ACADSB: variants seen among roughly 807,000 people sequenced by gnomAD.
ACADSB encodes short/branched chain specific acyl-CoA dehydrogenase, mitochondrial.
In ACADSB, 40 loss-of-function variants were observed where a neutral mutation model predicts 54.1. That is an observed-to-expected ratio of 0.74 (90% confidence interval 0.57 to 0.96). The LOEUF (loss-of-function observed/expected upper bound fraction) is 0.96, where lower values mean the gene tolerates loss of function less well. Among genes scored for constraint, ACADSB ranks in the 40% least tolerant of loss-of-function variants. The pLI is 0.00. For missense variants in ACADSB, 530 were observed against 510.4 expected (o/e 1.04, Z -0.37); for synonymous variants, 182 against 182.8 (o/e 1.00, Z 0.03).
chr10:123,030,764 C>G (rs1288630886), intron 1 of ACADSB, among the ~76,000 whole-genome samples: 1 of 100,298 alleles, frequency 1.0e-5, no homozygotes. Flanking sequence ...TAACTCAATT[C>G]TTTTGGGTTT....
chr10:123,016,104 G>A (rs978904320), intron 1 of ACADSB, among the ~76,000 whole-genome samples: 11 of 152,190 alleles, frequency 7.2e-5, no homozygotes, highest in African/African-American at 1.9e-4. Flanking sequence ...TTTTAGACAC[G>A]TTTTAGGTAT....
At chr10:123,040,733 CA>C (rs1850462317) in intron 4 of ACADSB, 61 bp downstream of exon 4, 1 of 1,530,994 alleles carries the variant, frequency 6.5e-7, no homozygotes, top group African/African-American at 1.4e-5. Flanking sequence ...ACAATATTTT[CA>C]GGAAAAAAGT....
chr10:123,037,403 T>C (rs1850413448), intron 2 of ACADSB, among the ~76,000 whole-genome samples: 1 of 152,232 alleles, frequency 6.6e-6, no homozygotes, highest in Non-Finnish European at 1.5e-5. Flanking sequence ...ATAGATGATT[T>C]TCAAAGAAAA....
chr10:123,009,058 G>T lies in ACADSB; in HGVS notation c.29G>T (p.Arg10Leu). The change falls in exon 1 of 11, where the codon CGC becomes CTC. Residue 10 changes from arginine (R) to leucine (L), a missense_variant. Transcript: ENST00000358776. ...GAGGGCCTGGCAGTGCGGTTGCTGC[G>T]CGGCAGCAGGCTGGTGAGTGCGTTC... MEGLAVRLL[R>L]GSRLLRRNFL... The T allele has an allele frequency of 6.5e-7, 1 of 1,547,562 alleles. No individual in the cohort carries two copies. The highest frequency in any genetic ancestry group is 8.7e-7 in the Non-Finnish European group (1 of 1,146,774).
At chr10:123,025,676 A>T (rs771566991) in intron 1 of ACADSB, among the ~76,000 whole-genome samples, 22 of 152,212 alleles carry the variant, frequency 1.4e-4, no homozygotes, top group Non-Finnish European at 2.1e-4. Context: ...GGCAAAGAAC[A>T]TGAATAAGCT....
chr10:123,013,403 C>T (rs1007685044), intron 1 of ACADSB, among the ~76,000 whole-genome samples: 4 of 152,260 alleles, frequency 2.6e-5, no homozygotes, highest in African/African-American at 7.2e-5. Context: ...AAAGGTTCTC[C>T]AAGTCCCCAC....
chr10:123,047,327 T>C lies in ACADSB; in HGVS notation c.990+29T>C, dbSNP rs1331495715. 6.2e-6 allele frequency: 9 copies of C among 1,442,610 alleles called. No individual in the cohort carries two copies. In the South Asian group the frequency reaches 1.0e-4, roughly 16 times the overall value. 89.4% of individuals were successfully genotyped at this position (1,442,610 alleles called of 1,614,324 possible). On this transcript the variant is annotated intron_variant, in intron 8 of 10. Transcript: ENST00000358776. ...TGTAATTATTAGGGTCTTTCTGCTGTGTTAGACTTCCCCAGCTTCCTGTTA... is the reference window on the plus strand; with the variant it reads ...TGTAATTATTAGGGTCTTTCTGCTGCGTTAGACTTCCCCAGCTTCCTGTTA...
At chr10:123,047,072 C>A in intron 7 of ACADSB, 137 bp from the exon 8 acceptor site, 1 of 726,912 alleles carries the variant, frequency 1.4e-6, no homozygotes, top group Non-Finnish European at 2.4e-6. Flanking sequence ...GTTATTAACA[C>A]ACACCTCACC....
chr10:123,042,241 T>C (rs1358124590), intron 5 of ACADSB, among the ~76,000 whole-genome samples: 2 of 151,856 alleles, frequency 1.3e-5, no homozygotes, highest in African/African-American at 4.8e-5. Flanking sequence ...GCTGGGATTA[T>C]AGGCGTGAAC....
intron 8 of ACADSB, among the ~76,000 whole-genome samples, chr10:123,048,600 A>G (rs1171486635): frequency 6.6e-6 from 1 of 152,216 alleles, no homozygotes; most frequent in Non-Finnish European, 1.5e-5. Flanking sequence ...ATAGATAGAT[A>G]GATCAATAGA....
chr10:123,022,043 G>GA (rs141546719), intron 1 of ACADSB, among the ~76,000 whole-genome samples: 21,110 of 151,926 alleles, frequency 0.14, 1,575 homozygotes, highest in Middle Eastern at 0.21. Context: ...TTCAAGAAGA[G>GA]AAAAAAAATA....
At chr10:123,030,354 C>T (rs1850309044) in intron 1 of ACADSB, among the ~76,000 whole-genome samples, 2 of 151,896 alleles carry the variant, frequency 1.3e-5, no homozygotes, top group African/African-American at 4.8e-5. Context: ...AGTGAAACCC[C>T]ATCTCTACTA....
At chr10:123,027,053 A>G (rs781105350) in intron 1 of ACADSB, among the ~76,000 whole-genome samples, 9 of 152,204 alleles carry the variant, frequency 5.9e-5, no homozygotes, top group Non-Finnish European at 1.3e-4. Context: ...TTGAACTCTA[A>G]TAAGTTCAAG....
intron 1 of ACADSB, among the ~76,000 whole-genome samples, chr10:123,031,918 A>G (rs1213937570): frequency 6.6e-6 from 1 of 152,154 alleles, no homozygotes; most frequent in East Asian, 1.9e-4. Flanking sequence ...CGTGGGAAAA[A>G]TAGGTATTAA....
At chr10:123,011,856 A>ATT (rs112428179) in intron 1 of ACADSB, among the ~76,000 whole-genome samples, 1 of 138,318 alleles carries the variant, frequency 7.2e-6, no homozygotes, top group Admixed American at 7.2e-5. Flanking sequence ...TTAAGAGATG[A>ATT]TTTTTTTTTT....
chr10:123,040,362 TA>T, intron 3 of ACADSB, 103 bp from the exon 4 acceptor site: 1 of 1,020,580 alleles, frequency 9.8e-7, no homozygotes, highest in Non-Finnish European at 1.5e-6. Flanking sequence ...AAAAAAATAA[TA>T]ATAATAAATA....
chr10:123,014,165 T>G (rs1042841208), intron 1 of ACADSB, among the ~76,000 whole-genome samples: 5 of 152,196 alleles, frequency 3.3e-5, no homozygotes, highest in Non-Finnish European at 5.9e-5. Flanking sequence ...TTCTCTCCCC[T>G]CATTTCTCAC....
chr10:123,051,171 A>C lies in ACADSB; in HGVS notation c.1113A>C (p.Lys371Asn). Residue 371 changes from lysine to asparagine, a missense_variant, in exon 9 of 11, where the codon AAA (lysine) becomes AAC (asparagine). Coordinates refer to ENST00000358776, the MANE Select transcript of ACADSB (RefSeq NM_001609.4). ...KPFIKEASMA[K>N]YYASEIAGQT... Reference sequence around the variant, plus strand: ...TCATAAAAGAAGCGTCAATGGCCAAATACTATGCATCAGAGGTAAAAAAAA... The same window carrying C: ...TCATAAAAGAAGCGTCAATGGCCAACTACTATGCATCAGAGGTAAAAAAAA... 1 of 1,582,842 alleles carries C rather than the reference A, an allele frequency of 6.3e-7. No homozygotes were observed. Among genetic ancestry groups the C allele is most frequent in the Non-Finnish European group, 8.6e-7 (1 of 1,159,890 alleles).
chr10:123,045,182 T>A (rs1472686771), intron 7 of ACADSB, among the ~76,000 whole-genome samples: 3 of 81,810 alleles, frequency 3.7e-5, no homozygotes, highest in Non-Finnish European at 7.5e-5. Context: ...TTTTTTTTTT[T>A]TTTTTTTTTT....
Sources: allele counts gnomAD v4.1 joint callset (sites outside exome capture counted in the v4.1 genomes callset), GRCh38; gene constraint gnomAD v4.1.1; transcripts MANE v1.5; gene names NCBI Gene and HGNC (gene_info 2026-07-23, HGNC 2026-07-21).